ULK4: variants seen among roughly 807,000 people sequenced by gnomAD.
ULK4 encodes unc-51 like kinase 4.
A neutral mutation model predicts 160.6 loss-of-function variants in ULK4; 133 were observed. The observed-to-expected ratio is 0.83, with a 90% CI of 0.72 to 0.96. The LOEUF (loss-of-function observed/expected upper bound fraction) is 0.96. Ranked by LOEUF, ULK4 falls within the 40% of genes least tolerant of loss-of-function variation. The pLI, the probability that ULK4 is intolerant of heterozygous loss-of-function variation, is 0.00. For synonymous variants in ULK4, 534 were observed against 539.8 expected (o/e 0.99, Z 0.15); for missense variants, 1,580 against 1,499.5 (o/e 1.05, Z -0.89).
intron 29 of ULK4, among the ~76,000 whole-genome samples, chr3:41,671,163 A>C (rs2035525094): frequency 6.6e-6 from 1 of 152,158 alleles, no homozygotes; most frequent in Non-Finnish European, 1.5e-5. Flanking sequence ...TACTGCCCAA[A>C]GCAATCTACA....
intron 35 of ULK4, among the ~76,000 whole-genome samples, chr3:41,344,576 A>G (rs1192833869): frequency 6.6e-6 from 1 of 152,028 alleles, no homozygotes; most frequent in Non-Finnish European, 1.5e-5. Flanking sequence ...AAATGGTGAA[A>G]CTGTGTCTCT....
chr3:41,653,355 T>A (rs759001985), intron 30 of ULK4, among the ~76,000 whole-genome samples: 10 of 152,220 alleles, frequency 6.6e-5, no homozygotes, highest in Non-Finnish European at 1.2e-4. Flanking sequence ...TAAAAGTTCT[T>A]GTCCACATTT....
chr3:41,397,736 G>A (rs2082091764), intron 35 of ULK4, among the ~76,000 whole-genome samples: 1 of 152,016 alleles, frequency 6.6e-6, no homozygotes, highest in African/African-American at 2.4e-5. Flanking sequence ...ACAGAAGACT[G>A]GTAAAGGAAT....
intron 5 of ULK4, among the ~76,000 whole-genome samples, chr3:41,925,452 G>A (rs1162042635): frequency 6.6e-6 from 1 of 152,192 alleles, no homozygotes; most frequent in Non-Finnish European, 1.5e-5. Flanking sequence ...CAGGGCACTG[G>A]GTTTCAAGCA....
intron 17 of ULK4, among the ~76,000 whole-genome samples, chr3:41,876,052 A>G (rs981708156): frequency 2.0e-5 from 3 of 152,164 alleles, no homozygotes; most frequent in Admixed American, 1.3e-4. Flanking sequence ...GACTAGAGGA[A>G]TAAGTTAGCA....
chr3:41,462,726 C>T (rs1448793048), intron 33 of ULK4, among the ~76,000 whole-genome samples: 1 of 152,140 alleles, frequency 6.6e-6, no homozygotes, highest in Non-Finnish European at 1.5e-5. Flanking sequence ...GAAAGCTGAC[C>T]TATCCTGCTG....
At chr3:41,615,595 G>T in intron 31 of ULK4, 74 bp downstream of exon 31, 1 of 1,472,510 alleles carries the variant, frequency 6.8e-7, no homozygotes, top group Non-Finnish European at 9.4e-7. Context: ...TAGCAACACA[G>T]TCCTACAACA....
intron 34 of ULK4, among the ~76,000 whole-genome samples, chr3:41,450,297 G>A (rs553363796): frequency 5.5e-4 from 83 of 152,162 alleles, no homozygotes; most frequent in African/African-American, 1.9e-3. Flanking sequence ...CCAACTGAGG[G>A]TTTGAAGTTC....
In ULK4 at chr3:41,606,297, G is replaced by A. The variant is rs549431277; in HGVS notation, c.3120+9372C>T. Among the ~76,000 whole-genome samples the A allele has an allele frequency of 2.6e-5, 4 of 151,848 alleles. No individual in the cohort carries two copies. The East Asian group carries it at 7.7e-4, about 29-fold the overall frequency. ...AAAAAAAGAAAGCAATAAAACCAAAGGCAAATGACAAGATTTCATTCTTTT... is the reference window on the plus strand; with the variant it reads ...AAAAAAAGAAAGCAATAAAACCAAAAGCAAATGACAAGATTTCATTCTTTT... On this transcript the variant is annotated intron_variant, in intron 31 of 36. Transcript: ENST00000301831.
intron 22 of ULK4, among the ~76,000 whole-genome samples, chr3:41,727,520 C>A (rs1296600836): frequency 3.3e-5 from 5 of 152,190 alleles, no homozygotes; most frequent in African/African-American, 7.2e-5. Context: ...GTAAAGCAAG[C>A]GTGCAATGTG....
chr3:41,400,218 C>A (rs1001363557), intron 34 of ULK4, among the ~76,000 whole-genome samples: 10 of 151,960 alleles, frequency 6.6e-5, no homozygotes, highest in Non-Finnish European at 1.3e-4. Context: ...AATTTTATAT[C>A]TTTTTGTGTA....
chr3:41,406,951 G>A (rs775499280), intron 34 of ULK4, among the ~76,000 whole-genome samples: 1 of 152,172 alleles, frequency 6.6e-6, no homozygotes, highest in African/African-American at 2.4e-5. Context: ...AGACTTGAGC[G>A]AGTTTCCAGG....
Position 41,787,001 on chromosome 3 carries a change from G to GA in ULK4, c.2193+2659dup, listed in dbSNP as rs2040016386. Among the ~76,000 whole-genome samples the GA allele has an allele frequency of 2.0e-5, 3 of 152,096 alleles. No homozygotes were observed. In the South Asian group the frequency reaches 6.2e-4, roughly 32 times the overall value. On this transcript the variant is annotated intron_variant, in intron 21 of 36. Transcript: ENST00000301831. ...CAGGTATACATACACAAATACACAA[G>GA]AAAAAACAGCTCTCTCAAACCAAAG... is the stretch of plus-strand genomic sequence containing the variant.
At chr3:41,620,363 C>A (rs1447559839) in intron 30 of ULK4, among the ~76,000 whole-genome samples, 5 of 152,108 alleles carry the variant, frequency 3.3e-5, no homozygotes, top group African/African-American at 4.8e-5. Context: ...TGTGAAAATC[C>A]TCAATAAAAT....
chr3:41,494,684 C>G (rs1035845441), intron 32 of ULK4, among the ~76,000 whole-genome samples: 10 of 152,126 alleles, frequency 6.6e-5, no homozygotes, highest in Middle Eastern at 6.8e-3. Context: ...GAAAACCCCA[C>G]TGTCTCAGCC....
intron 27 of ULK4, among the ~76,000 whole-genome samples, chr3:41,688,470 G>C (rs898203784): frequency 6.6e-6 from 1 of 152,006 alleles, no homozygotes; most frequent in African/African-American, 2.4e-5. Context: ...TAGCTAAAAA[G>C]TTTTCTTGGG....
At chr3:41,624,969 A>C (rs1389967216) in intron 30 of ULK4, among the ~76,000 whole-genome samples, 1 of 152,066 alleles carries the variant, frequency 6.6e-6, no homozygotes, top group Non-Finnish European at 1.5e-5. Flanking sequence ...ATCTCTGTTA[A>C]AAAAAATTTC....
chr3:41,563,641 T>A (rs1438810546), intron 32 of ULK4, among the ~76,000 whole-genome samples: 1 of 152,202 alleles, frequency 6.6e-6, no homozygotes, highest in Non-Finnish European at 1.5e-5. Context: ...TTCTTCCACT[T>A]GATTGAATTG....
At chr3:41,742,870 G>C (rs1405816200) in intron 22 of ULK4, among the ~76,000 whole-genome samples, 4 of 151,762 alleles carry the variant, frequency 2.6e-5, no homozygotes, top group Non-Finnish European at 5.9e-5. Flanking sequence ...AGATGACAGA[G>C]AGCAGAACCA....
Sources: allele counts gnomAD v4.1 joint callset (sites outside exome capture counted in the v4.1 genomes callset), GRCh38; gene constraint gnomAD v4.1.1; transcripts MANE v1.5; gene names NCBI Gene and HGNC (gene_info 2026-07-23, HGNC 2026-07-21).